Variants in BOLL observed in about 807,000 individuals in gnomAD.
BOLL encodes boule RNA binding protein.
Under a neutral mutation model 44.4 loss-of-function variants are expected in BOLL, and 23 were observed. That is an observed-to-expected ratio of 0.52 (90% CI 0.37 to 0.73). The LOEUF (loss-of-function observed/expected upper bound fraction) is 0.73. Among genes scored for constraint, BOLL ranks in the 30% least tolerant of loss-of-function variants. The pLI is 0.00. For synonymous variants in BOLL, 97 were observed against 110.8 expected (o/e 0.88, Z 0.78); for missense variants, 287 against 338.3 (o/e 0.85, Z 1.19).
At chr2:197,775,638 A>G (rs748330829) in intron 5 of BOLL, 27 bp downstream of exon 5, 3 of 1,384,090 alleles carry the variant, frequency 2.2e-6, no homozygotes, top group Non-Finnish European at 3.0e-6. Context: ...AAAAATATTT[A>G]AAAATACATT....
At chr2:197,756,683 C>T (rs1184802360) in intron 8 of BOLL, 127 bp from the exon 9 acceptor site, 9 of 798,528 alleles carry the variant, frequency 1.1e-5, no homozygotes, top group Non-Finnish European at 1.6e-5. Flanking sequence ...AGGAATAGCA[C>T]AGAAGTATCT....
At chr2:197,781,100 A>T (rs1689756429) in intron 2 of BOLL, among the ~76,000 whole-genome samples, 1 of 152,066 alleles carries the variant, frequency 6.6e-6, no homozygotes, top group Non-Finnish European at 1.5e-5. Flanking sequence ...GGTTTGTTGT[A>T]TAGATTATTT....
chr2:197,730,509 T>G (rs1687110759), intron 10 of BOLL, among the ~76,000 whole-genome samples: 1 of 146,252 alleles, frequency 6.8e-6, no homozygotes, highest in Non-Finnish European at 1.5e-5. Flanking sequence ...GACACATAAT[T>G]GTCAGATTCA....
chr2:197,732,371 T>C (rs1687232150), intron 10 of BOLL, among the ~76,000 whole-genome samples: 1 of 152,202 alleles, frequency 6.6e-6, no homozygotes, highest in Non-Finnish European at 1.5e-5. Context: ...AGCTGAATTC[T>C]ACCAGAGGTA....
rs1689274337 is a variant in BOLL at position 197,771,762 on chromosome 2, A to T, written c.480+93T>A. 9 of 1,319,426 alleles carry T rather than the reference A, an allele frequency of 6.8e-6. 1 individual carries two copies. The South Asian group carries it at 1.1e-4, about 16-fold the overall frequency. 81.7% of individuals were successfully genotyped at this position (1,319,426 alleles called of 1,614,324 possible). On this transcript the variant is annotated intron_variant, in intron 6 of 10. Transcript: ENST00000392296. ...TTGGTTGATGTGTGTTATTATTTGT[A>T]ATTATCTGTGGTTAAGATATTTCAG...
At chr2:197,743,472 C>G (rs1318469109) in intron 9 of BOLL, among the ~76,000 whole-genome samples, 1 of 151,956 alleles carries the variant, frequency 6.6e-6, no homozygotes, top group East Asian at 1.9e-4. Flanking sequence ...GATGGTGGTA[C>G]CATTCATTGG....
At chr2:197,785,476 A>T, upstream of BOLL, 2 of 795,860 alleles carry the variant, frequency 2.5e-6, no homozygotes, top group South Asian at 9.2e-5. This position sits in a 1 kb window ranked among gnomAD's most constrained non-coding sequence, Gnocchi z 6.7. Context: ...AGCCAGGGCT[A>T]GAGTGTCCGG....
intron 6 of BOLL, among the ~76,000 whole-genome samples, 158 bp downstream of exon 6, chr2:197,771,697 A>T (rs1689271027): frequency 6.6e-6 from 1 of 152,060 alleles, no homozygotes; most frequent in Admixed American, 6.6e-5. Context: ...CCATTTTAAG[A>T]ACTTAAGTAA....
chr2:197,744,351 T>G (rs994767206), intron 9 of BOLL, among the ~76,000 whole-genome samples: 1 of 152,018 alleles, frequency 6.6e-6, no homozygotes, highest in Non-Finnish European at 1.5e-5. Context: ...AATCTGCTTA[T>G]AAAGGAAAAC....
intron 5 of BOLL, chr2:197,774,921 T>G (rs1416332240): frequency 6.6e-6 from 1 of 151,994 alleles, no homozygotes; most frequent in Non-Finnish European, 1.5e-5. Context: ...TCTATTAATT[T>G]GTTAACAGAT....
upstream of BOLL, chr2:197,786,109 G>A: frequency 6.9e-7 from 1 of 1,453,208 alleles, no homozygotes; most frequent in Non-Finnish European, 9.1e-7. The surrounding 1 kb of genome is among the most constrained non-coding windows in gnomAD (Gnocchi z 5.9). Context: ...TGGGACTCTC[G>A]CCCCCTGGCG....
chr2:197,738,957 A>G (rs940003598), intron 10 of BOLL, among the ~76,000 whole-genome samples: 7 of 152,164 alleles, frequency 4.6e-5, no homozygotes, highest in Non-Finnish European at 8.8e-5. Context: ...TGCACTGTAA[A>G]TGAAAATAGA....
upstream of BOLL, among the ~76,000 whole-genome samples, chr2:197,785,819 T>C (rs1394633856): frequency 1.3e-5 from 2 of 150,832 alleles, no homozygotes; most frequent in African/African-American, 4.9e-5. This position sits in a 1 kb window ranked among gnomAD's most constrained non-coding sequence, Gnocchi z 6.7. Context: ...TGCGGGCGGG[T>C]GGCTCCTGGC....
chr2:197,768,238 C>T (rs1299153094), intron 6 of BOLL, among the ~76,000 whole-genome samples: 3 of 151,730 alleles, frequency 2.0e-5, no homozygotes, highest in Non-Finnish European at 4.4e-5. Context: ...TAAAATAAGA[C>T]AAATAAATGG....
chr2:197,770,374 G>A (rs1689188952), intron 6 of BOLL, among the ~76,000 whole-genome samples: 1 of 152,052 alleles, frequency 6.6e-6, no homozygotes, highest in African/African-American at 2.4e-5. Context: ...TCAAATGTTA[G>A]ACCCAAAACC....
chr2:197,770,617 C>A (rs1689201629), intron 6 of BOLL, among the ~76,000 whole-genome samples: 1 of 152,100 alleles, frequency 6.6e-6, no homozygotes, highest in South Asian at 2.1e-4. Context: ...GGCTAATATC[C>A]AGAATCTACT....
chr2:197,732,076 GA>G (rs1391972510), intron 10 of BOLL, among the ~76,000 whole-genome samples: 1 of 149,362 alleles, frequency 6.7e-6, no homozygotes, highest in African/African-American at 2.5e-5. Context: ...GACTAATAAA[GA>G]AAAAAAGAGA....
At chr2:197,782,767 C>T (rs908953369) in intron 1 of BOLL, among the ~76,000 whole-genome samples, 2 of 152,190 alleles carry the variant, frequency 1.3e-5, no homozygotes, top group Admixed American at 1.3e-4. Flanking sequence ...CATTCACATT[C>T]ACCATTTTCA....
intron 8 of BOLL, 53 bp downstream of exon 8, chr2:197,757,300 A>G: frequency 4.0e-6 from 6 of 1,499,896 alleles, no homozygotes; most frequent in Non-Finnish European, 5.5e-6. Context: ...CAGTCATCAC[A>G]AGAATATAAT....
Sources: gnomAD v4.1 joint callset for allele counts (sites outside exome capture counted in the v4.1 genomes callset) on GRCh38, gnomAD v4.1.1 for gene constraint, Gnocchi (gnomAD v3.1) non-coding constraint, MANE v1.5 for transcripts, NCBI Gene and HGNC (gene_info 2026-07-23, HGNC 2026-07-21) for gene names.